NRXN3: variants seen among roughly 807,000 people sequenced by gnomAD.
NRXN3 encodes the protein neurexin III.
A neutral mutation model predicts 137.6 loss-of-function variants in NRXN3; 32 were observed. The ratio of observed to expected loss-of-function variants is 0.23; its 90% CI spans 0.18 to 0.31. The LOEUF is 0.31. Among genes scored for constraint, NRXN3 ranks in the 10% least tolerant of loss-of-function variants. The probability of loss-of-function intolerance (pLI) is 1.00; values close to 1 mark genes in which losing one functional copy is unlikely to be tolerated. For missense variants in NRXN3, 1,574 were observed against 2,062.5 expected (o/e 0.76, Z 4.59); for synonymous variants, 798 against 784.5 (o/e 1.02, Z -0.29).
intron 15 of NRXN3, among the ~76,000 whole-genome samples, chr14:79,462,820 T>C (rs1200290059): frequency 2.5e-5 from 2 of 79,354 alleles, no homozygotes; most frequent in Admixed American, 1.4e-4. Flanking sequence ...CATAGACAAA[T>C]ATATATATGC....
intron 16 of NRXN3, among the ~76,000 whole-genome samples, chr14:79,562,317 A>C (rs1412800343): frequency 6.6e-6 from 1 of 152,098 alleles, no homozygotes; most frequent in Non-Finnish European, 1.5e-5. Flanking sequence ...TGTGAATGTC[A>C]TTTGTCTCTT....
rs1385461430 is a variant in NRXN3, at chr14:78,243,364, A to G, written c.271A>G (p.Met91Val). 3 of 1,563,834 alleles carry G rather than the reference A, an allele frequency of 1.9e-6. No homozygotes were observed. Among genetic ancestry groups the G allele is most frequent in the South Asian group, 1.2e-5 (1 of 86,234 alleles). The part of the protein sequence containing the change: ...VDGRVQLRFS[M>V]DCAETAVLSN... ...TGGCCGCGTTCAGCTCCGCTTCAGCATGGACTGTGCCGAGACTGCCGTGCT... is the reference window on the plus strand; with the variant it reads ...TGGCCGCGTTCAGCTCCGCTTCAGCGTGGACTGTGCCGAGACTGCCGTGCT... Residue 91 changes from methionine (M) to valine (V), a missense_variant, in exon 2 of 21, where the codon ATG (methionine) becomes GTG (valine). Physicochemically the swap from Met to Val is conservative, Grantham distance 21. Around this residue, in one of 5 missense-constraint regions of NRXN3, gnomAD observed 400 missense variants for 527.3 expected, o/e 0.76. Coordinates refer to ENST00000335750, the MANE Select transcript of NRXN3 (RefSeq NM_001330195.2). This position sits in a 1 kb window ranked among gnomAD's most constrained non-coding sequence, Gnocchi z 4.2.
At chr14:79,687,941 G>GTGAT (rs938385753) in intron 17 of NRXN3, among the ~76,000 whole-genome samples, 4 of 152,172 alleles carry the variant, frequency 2.6e-5, no homozygotes, top group African/African-American at 9.7e-5. Context: ...AACATATAAA[G>GTGAT]TGATAGATAA....
intron 15 of NRXN3, among the ~76,000 whole-genome samples, chr14:79,367,110 A>G (rs2093925326): frequency 6.6e-6 from 1 of 151,804 alleles, no homozygotes; most frequent in African/African-American, 2.4e-5. Context: ...CAGCCTCCCA[A>G]GTAGCTGGGA....
intron 10 of NRXN3, among the ~76,000 whole-genome samples, chr14:78,868,561 T>G (rs2152558630): frequency 6.6e-6 from 1 of 152,300 alleles, no homozygotes; most frequent in East Asian, 1.9e-4. Flanking sequence ...GGCTCACGTC[T>G]GTAATCTCAG....
rs113000443 is a variant in NRXN3, at chr14:79,647,400, G to A, written c.3445-16378G>A. 2.0e-4 allele frequency among the ~76,000 whole-genome samples: 27 copies of A among 135,442 alleles called. 5 individuals are homozygous for A. Among genetic ancestry groups the A allele is most frequent in the African/African-American group, 6.1e-4 (25 of 40,844 alleles). The allele number at this position is 135,442 out of a possible 152,430, so 88.9% of individuals were successfully genotyped here. A position where few individuals can be genotyped will look rare whatever the true frequency, so the allele number is the denominator to read the frequency against. On this transcript the variant is annotated intron_variant, in intron 16 of 20. Transcript: ENST00000335750. ...TTAAATGTACCTTTCTATACGGAAC[G>A]GTCTGCTGTCATGCAACTTTCAAAT... is the stretch of plus-strand genomic sequence containing the variant.
At chr14:79,199,448 A>G (rs1370349340) in intron 15 of NRXN3, among the ~76,000 whole-genome samples, 3 of 152,226 alleles carry the variant, frequency 2.0e-5, no homozygotes, top group Non-Finnish European at 4.4e-5. Flanking sequence ...AGGATTGAAG[A>G]TGAGAAAAAA....
At chr14:79,764,167 G>C (rs897742349) in intron 19 of NRXN3, among the ~76,000 whole-genome samples, 18 of 149,838 alleles carry the variant, frequency 1.2e-4, no homozygotes, top group African/African-American at 4.2e-4. Flanking sequence ...TTGGTGGGTG[G>C]GGGGGGTGTT....
chr14:79,030,236 GC>G (rs573332345), intron 15 of NRXN3, among the ~76,000 whole-genome samples: 2 of 151,446 alleles, frequency 1.3e-5, no homozygotes, highest in African/African-American at 4.9e-5. Context: ...GCCAGTAGTA[GC>G]CCCCCCAACA....
At chr14:78,253,399 C>T (rs528989854) in intron 2 of NRXN3, among the ~76,000 whole-genome samples, 11 of 152,264 alleles carry the variant, frequency 7.2e-5, no homozygotes, top group South Asian at 6.2e-4. Flanking sequence ...GGAGTCTGGG[C>T]GCTGTGGCTC....
chr14:78,459,783 G>A (rs544750318), intron 4 of NRXN3, among the ~76,000 whole-genome samples: 8 of 152,262 alleles, frequency 5.3e-5, no homozygotes, highest in East Asian at 1.9e-4. Flanking sequence ...ACCCCTGGCC[G>A]TCAAAATGTG....
chr14:78,355,603 A>G (rs900773961), intron 4 of NRXN3, among the ~76,000 whole-genome samples: 3 of 152,098 alleles, frequency 2.0e-5, no homozygotes, highest in Admixed American at 6.6e-5. Flanking sequence ...ATTTTTTAGT[A>G]GAGACTGGGT....
intron 15 of NRXN3, among the ~76,000 whole-genome samples, chr14:79,133,795 G>C (rs756304238): frequency 2.0e-5 from 3 of 152,052 alleles, no homozygotes; most frequent in East Asian, 1.9e-4. Context: ...TGGGCGTGGT[G>C]GTGGGCGCCT....
At chr14:78,405,549 A>G (rs1052493513) in intron 4 of NRXN3, among the ~76,000 whole-genome samples, 1 of 145,916 alleles carries the variant, frequency 6.9e-6, no homozygotes. Context: ...GCCACAGTTT[A>G]TATACAAGCT....
In NRXN3 at chr14:79,207,020, C is replaced by T. The variant is rs143239390; in HGVS notation, c.3262+218879C>T. 2.6e-3 allele frequency among the ~76,000 whole-genome samples: 402 copies of T among 152,284 alleles called. 3 individuals are homozygous for T. The highest frequency in any genetic ancestry group is 9.2e-3 in the African/African-American group (382 of 41,568). ...TCACAAACTTTCCCACATCCAGGGG[C>T]GATGTCCCCCAGCACACCATCCCTC... is the stretch of plus-strand genomic sequence containing the variant. On this transcript the variant is annotated intron_variant, in intron 15 of 20. Transcript: ENST00000335750.
At chr14:78,379,230 T>G (rs952236474) in intron 4 of NRXN3, among the ~76,000 whole-genome samples, 1 of 152,042 alleles carries the variant, frequency 6.6e-6, no homozygotes, top group Non-Finnish European at 1.5e-5. Flanking sequence ...TTCTAGAAAA[T>G]AGAAAAGGAG....
At chr14:78,754,633 G>C (rs2098659220) in intron 8 of NRXN3, among the ~76,000 whole-genome samples, 1 of 152,198 alleles carries the variant, frequency 6.6e-6, no homozygotes, top group Non-Finnish European at 1.5e-5. Context: ...TAGTAGTGCA[G>C]TGGTTTTCAA....
At chr14:78,324,476 T>A (rs2079801966) in intron 4 of NRXN3, among the ~76,000 whole-genome samples, 1 of 152,110 alleles carries the variant, frequency 6.6e-6, no homozygotes, top group Non-Finnish European at 1.5e-5. Flanking sequence ...AAGGAAGAAG[T>A]CCTGTTAATT....
intron 15 of NRXN3, among the ~76,000 whole-genome samples, chr14:79,332,427 C>T (rs1190963509): frequency 3.9e-5 from 6 of 152,196 alleles, no homozygotes; most frequent in Non-Finnish European, 7.3e-5. Flanking sequence ...ATACGTCCTG[C>T]GCTGTCGAGC....
Sources: gnomAD v4.1 joint callset for allele counts (sites outside exome capture counted in the v4.1 genomes callset) on GRCh38, gnomAD v4.1.1 for gene constraint, gnomAD v4.1.1 regional missense constraint, Gnocchi (gnomAD v3.1) non-coding constraint, MANE v1.5 for transcripts, NCBI Gene and HGNC (gene_info 2026-07-23, HGNC 2026-07-21) for gene names.